STK31: variants seen among roughly 807,000 people sequenced by gnomAD.
STK31 encodes serine/threonine kinase 31, also known as serine/threonine-protein kinase 31.
In STK31, 89 loss-of-function variants were observed where a neutral mutation model predicts 129.7. The ratio of observed to expected loss-of-function variants is 0.69; its 90% confidence interval spans 0.58 to 0.82. The LOEUF (loss-of-function observed/expected upper bound fraction) is 0.82. STK31 is among the 40% of genes least tolerant of loss of function. The pLI is 0.00. For missense variants in STK31, 1,187 were observed against 1,176.4 expected (o/e 1.01, Z -0.13); for synonymous variants, 448 against 395.3 (o/e 1.13, Z -1.58).
At chr7:23,769,577 A>G (rs1790056082) in intron 12 of STK31, 63 bp from the exon 13 acceptor site, 2 of 1,126,246 alleles carry the variant, frequency 1.8e-6, no homozygotes, top group Non-Finnish European at 2.7e-6. Context: ...TTCAGGTATT[A>G]AGGCACGATG....
In STK31 at chr7:23,818,509, G is replaced by C. The variant is rs889103753; in HGVS notation, c.2829+3297G>C. Among the ~76,000 whole-genome samples the C allele has an allele frequency of 1.1e-3, 169 of 151,970 alleles. 3 individuals are homozygous for C. Among genetic ancestry groups the C allele is most frequent in the Admixed American group, 0.011 (167 of 15,252 alleles). ...ATATTTTTAGTTTTTCTATCCCATT[G>C]GTTTGTTTATTCATATCCCAGTGCC... On this transcript the variant is annotated intron_variant, in intron 23 of 23. Transcript: ENST00000355870.
At chr7:23,735,078 C>CT (rs1232763321) in intron 6 of STK31, among the ~76,000 whole-genome samples, 2 of 152,084 alleles carry the variant, frequency 1.3e-5, no homozygotes, top group African/African-American at 4.8e-5. Context: ...CGGTTTGTGG[C>CT]TTTTTTTGCT....
Position 23,738,607 on chromosome 7 carries a change from TC to T in STK31, c.1017+1533del, listed in dbSNP as rs1787862205. Among the ~76,000 whole-genome samples, 3 of 152,028 alleles carry T rather than the reference TC, an allele frequency of 2.0e-5. 1 individual carries two copies. In the South Asian group the frequency reaches 6.3e-4, roughly 32 times the overall value. On this transcript the variant is annotated intron_variant, in intron 8 of 23. Coordinates refer to ENST00000355870, the MANE Select transcript of STK31 (RefSeq NM_031414.5). ...TAAACTCAAACTTGCCTTATTTATA[TC>T]CCCAATGGCATGATCTCGGCTCACT...
chr7:23,801,235 A>G (rs543045423), intron 22 of STK31, among the ~76,000 whole-genome samples: 1 of 152,192 alleles, frequency 6.6e-6, no homozygotes, highest in South Asian at 2.1e-4. Flanking sequence ...ATTATCTTCT[A>G]TTTTAGCCAT....
intron 8 of STK31, among the ~76,000 whole-genome samples, chr7:23,739,839 G>T (rs1427094060): frequency 1.3e-5 from 2 of 152,128 alleles, no homozygotes; most frequent in Non-Finnish European, 2.9e-5. Flanking sequence ...CTTTATATCT[G>T]TTTTGGTACC....
At position 23,735,787 on chromosome 7, in the gene STK31, C is replaced by T; in HGVS notation, c.733C>T (p.His245Tyr). The T allele has an allele frequency of 6.2e-7, 1 of 1,614,126 alleles. No individual in the cohort carries two copies. Among genetic ancestry groups the T allele is most frequent in the African/African-American group, 1.3e-5 (1 of 75,044 alleles). Reference protein sequence around the residue: ...NLKSPIPLWGHRSNQSTFSRP... With the variant: ...NLKSPIPLWGYRSNQSTFSRP... ...CAAAAGCCCCATTCCTTTGTGGGGG[C>T]ATAGATCAAACCAGTCAACCTTCAG... The change falls in exon 7 of 24, where the codon CAT becomes TAT. Residue 245 changes from histidine to tyrosine, a missense_variant. Physicochemically the swap from His to Tyr is moderately conservative, Grantham distance 83 (BLOSUM62 2). Coordinates refer to ENST00000355870, the MANE Select transcript of STK31 (RefSeq NM_031414.5).
chr7:23,806,261 A>C (rs1250969084), intron 22 of STK31, among the ~76,000 whole-genome samples: 1 of 152,212 alleles, frequency 6.6e-6, no homozygotes, highest in East Asian at 1.9e-4. Context: ...CTCTGCTTAC[A>C]AAGTCTTGCG....
intron 1 of STK31, chr7:23,710,581 T>G (rs952324820): frequency 1.1e-5 from 15 of 1,363,580 alleles, no homozygotes; most frequent in African/African-American, 8.8e-5. Context: ...TCACGCAGCC[T>G]CCACACTCTC....
intron 23 of STK31, among the ~76,000 whole-genome samples, chr7:23,816,695 G>A (rs567035244): frequency 2.0e-5 from 3 of 152,306 alleles, no homozygotes; most frequent in East Asian, 1.9e-4. Flanking sequence ...AAATGTATAC[G>A]CAGAGAAGGC....
intron 4 of STK31, among the ~76,000 whole-genome samples, chr7:23,724,737 A>G (rs750197049): frequency 2.7e-4 from 41 of 152,212 alleles, no homozygotes; most frequent in Non-Finnish European, 5.1e-4. Context: ...GTACCGTACT[A>G]TTACTGCTCT....
Position 23,827,733 on chromosome 7 carries a change from C to G in STK31, c.2830-4403C>G, listed in dbSNP as rs909415948. 2.0e-5 allele frequency among the ~76,000 whole-genome samples: 3 copies of G among 152,142 alleles called. 1 individual carries two copies. The highest frequency in any genetic ancestry group is 4.2e-4 in the South Asian group (2 of 4,804). Reference sequence around the variant, plus strand: ...TCCCCATCTTTGTGGTTTTATCTACCTTTGGTCTTTGATGATGGTGACGTA... The same window carrying G: ...TCCCCATCTTTGTGGTTTTATCTACGTTTGGTCTTTGATGATGGTGACGTA... On this transcript the variant is annotated intron_variant, in intron 23 of 23. Transcript: ENST00000355870.
At chr7:23,724,842 A>T (rs1184565773) in intron 4 of STK31, among the ~76,000 whole-genome samples, 1 of 152,102 alleles carries the variant, frequency 6.6e-6, no homozygotes, top group South Asian at 2.1e-4. Flanking sequence ...ATTGTTATTT[A>T]TTTATTTGTT....
At chr7:23,777,767 A>T (rs1380977539) in intron 15 of STK31, among the ~76,000 whole-genome samples, 3 of 151,878 alleles carry the variant, frequency 2.0e-5, no homozygotes. Flanking sequence ...ATAGCACACC[A>T]ATGGGTCTTG....
rs527668178 is a variant in STK31 at position 23,828,033 on chromosome 7, C to T, written c.2830-4103C>T. Among the ~76,000 whole-genome samples, 8 of 152,288 alleles carry T rather than the reference C, an allele frequency of 5.3e-5. No individual in the cohort carries two copies. The South Asian group carries it at 1.0e-3, about 20-fold the overall frequency. On this transcript the variant is annotated intron_variant, in intron 23 of 23. Transcript: ENST00000355870. ...GGGGGTGCCTCCCAGTTAGGCTACT[C>T]GGGAGTCAGGGACCCACTTGAGGAG...
chr7:23,801,913 A>C (rs947207363), intron 22 of STK31, among the ~76,000 whole-genome samples: 2 of 152,216 alleles, frequency 1.3e-5, no homozygotes, highest in Admixed American at 1.3e-4. Context: ...GTTTACCAAC[A>C]TCATACTGTC....
At chr7:23,755,017 T>G (rs1788975221) in intron 10 of STK31, 1 of 152,254 alleles carries the variant, frequency 6.6e-6, no homozygotes, top group Non-Finnish European at 1.5e-5. Context: ...ATATACCCAG[T>G]AATGATATTG....
At chr7:23,719,590 C>A (rs1290985176) in intron 4 of STK31, among the ~76,000 whole-genome samples, 3 of 152,010 alleles carry the variant, frequency 2.0e-5, no homozygotes, top group Non-Finnish European at 4.4e-5. Flanking sequence ...ACTGATTTTT[C>A]CTTTCCTAAA....
intron 23 of STK31, among the ~76,000 whole-genome samples, chr7:23,821,647 T>G (rs1793790142): frequency 6.6e-6 from 1 of 152,202 alleles, no homozygotes; most frequent in African/African-American, 2.4e-5. Context: ...CAGAAGCATT[T>G]TAGTTAAGTA....
chr7:23,730,878 A>ATATATATATATATATATATATATATT, intron 6 of STK31, among the ~76,000 whole-genome samples: 6 of 59,534 alleles, frequency 1.0e-4, no homozygotes, highest in African/African-American at 2.3e-4. Flanking sequence ...ATATATATAT[A>ATATATATATATATATATATATATATT]TTTTTTTTTT....
Sources: gnomAD v4.1 joint callset for allele counts (sites outside exome capture counted in the v4.1 genomes callset) on GRCh38, gnomAD v4.1.1 for gene constraint, MANE v1.5 for transcripts, NCBI Gene and HGNC (gene_info 2026-07-23, HGNC 2026-07-21) for gene names.